Variants in MECOM observed in about 807,000 individuals in gnomAD.
The protein encoded by MECOM is MDS1 and EVI1 complex locus, also known as histone-lysine N-methyltransferase MECOM.
MECOM carries 13 observed loss-of-function variants against 116.3 expected under a neutral mutation model. The ratio of observed to expected loss-of-function variants is 0.11; its 90% CI spans 0.07 to 0.18. The LOEUF (loss-of-function observed/expected upper bound fraction) is 0.18, where lower values mean the gene tolerates loss of function less well. Among genes scored for constraint, MECOM ranks in the 10% least tolerant of loss-of-function variants. MECOM has a pLI of 1.00. For missense variants in MECOM, 1,299 were observed against 1,509.0 expected, an observed-to-expected ratio of 0.86 and a Z score of 2.31; for synonymous variants, 528 against 535.2, an observed-to-expected ratio of 0.99 and a Z score of 0.19.
chr3:169,561,180 A>G (rs146242112), intron 1 of MECOM, among the ~76,000 whole-genome samples: 2 of 152,198 alleles, frequency 1.3e-5, no homozygotes, highest in Admixed American at 1.3e-4. Context: ...GTAAGGGTAT[A>G]TGAATATTGG....
At chr3:169,518,087 G>A (rs1018818556) in intron 1 of MECOM, among the ~76,000 whole-genome samples, 4 of 152,194 alleles carry the variant, frequency 2.6e-5, no homozygotes, top group East Asian at 1.9e-4. Context: ...GTGATACCCC[G>A]TCTTTACTGA....
rs756925389 is a variant in MECOM at position 169,548,971 on chromosome 3, CTTT to C, written c.37+114362_37+114364del. 6.9e-3 allele frequency among the ~76,000 whole-genome samples: 825 copies of C among 119,058 alleles called. 7 individuals are homozygous for C. The highest frequency in any genetic ancestry group is 0.024 in the African/African-American group (745 of 30,710). 78.1% of individuals were successfully genotyped at this position (119,058 alleles called of 152,430 possible). A position where few individuals can be genotyped will look rare whatever the true frequency, so the allele number is the denominator to read the frequency against. On this transcript the variant is annotated intron_variant, in intron 1 of 16. Coordinates refer to ENST00000651503, the MANE Select transcript of MECOM (RefSeq NM_004991.4). Reference sequence around the variant, plus strand: ...ACACGTAAAACTGACATTTGTCTCTCTTTTTTTTTTTTTTTTTTTTGAGACGAA... The same window carrying C: ...ACACGTAAAACTGACATTTGTCTCTCTTTTTTTTTTTTTTTTTGAGACGAA...
intron 1 of MECOM, among the ~76,000 whole-genome samples, chr3:169,472,381 T>TA (rs575502358): frequency 5.0e-5 from 6 of 119,216 alleles, no homozygotes; most frequent in Admixed American, 9.9e-5. Context: ...ACCCCATCTC[T>TA]AAAAAAAAGG....
chr3:169,623,373 G>A (rs957726529), intron 1 of MECOM, among the ~76,000 whole-genome samples: 27 of 152,020 alleles, frequency 1.8e-4, no homozygotes, highest in African/African-American at 6.5e-4. Flanking sequence ...AAGTATTATC[G>A]AAGAATGATA....
At chr3:169,276,604 C>T (rs1759611066) in intron 2 of MECOM, among the ~76,000 whole-genome samples, 2 of 150,570 alleles carry the variant, frequency 1.3e-5, no homozygotes, top group African/African-American at 4.9e-5. Context: ...GAAGCTAAAG[C>T]CCCTAGAACC....
At chr3:169,376,729 A>G (rs1731101497) in intron 2 of MECOM, among the ~76,000 whole-genome samples, 1 of 152,214 alleles carries the variant, frequency 6.6e-6, no homozygotes, top group African/African-American at 2.4e-5. Context: ...GGAAGAATCA[A>G]TATCATGAAA....
At chr3:169,579,036 TTTAA>T (rs1490699340) in intron 1 of MECOM, among the ~76,000 whole-genome samples, 2 of 152,220 alleles carry the variant, frequency 1.3e-5, no homozygotes, top group African/African-American at 4.8e-5. Context: ...ATAACCATTA[TTTAA>T]TTAACAGATG....
rs369748515 is a variant in MECOM, at chr3:169,084,912, T to C, written c.3717A>G (p.Val1239=). 7.9e-5 allele frequency: 127 copies of C among 1,614,058 alleles called. No homozygotes were observed. The highest frequency in any genetic ancestry group is 6.0e-4 in the East Asian group (27 of 44,866). The part of the protein sequence containing the change: ...ESSAIQSISH[V] ...ACTCTGGTCAACCTTGATAACGTCA[T>C]ACGTGGCTTATGGACTGGATAGCAC... Residue 1239 remains valine (V), a synonymous_variant, in exon 17 of 17, where the codon GTA becomes GTG. Coordinates refer to ENST00000651503, the MANE Select transcript of MECOM (RefSeq NM_004991.4).
chr3:169,354,113 G>A (rs1726851526), intron 2 of MECOM, among the ~76,000 whole-genome samples: 1 of 151,778 alleles, frequency 6.6e-6, no homozygotes, highest in Admixed American at 6.6e-5. Flanking sequence ...TCCATTGAGA[G>A]TGGAATTAAT....
intron 1 of MECOM, among the ~76,000 whole-genome samples, chr3:169,595,000 T>C (rs1317568410): frequency 6.6e-6 from 1 of 152,032 alleles, no homozygotes; most frequent in African/African-American, 2.4e-5. Flanking sequence ...ATTTAAGTCC[T>C]ACAACCAGTT....
At chr3:169,300,369 A>G (rs1311049572) in intron 2 of MECOM, among the ~76,000 whole-genome samples, 1 of 152,250 alleles carries the variant, frequency 6.6e-6, no homozygotes, top group Non-Finnish European at 1.5e-5. Context: ...AGCCTCTCTT[A>G]TAAATCATTC....
rs574625021 is a variant in MECOM, at chr3:169,634,059, A to G, written c.37+29277T>C. Among the ~76,000 whole-genome samples, 3 of 152,298 alleles carry G rather than the reference A, an allele frequency of 2.0e-5. 1 individual carries two copies. In the South Asian group the frequency reaches 6.2e-4, roughly 32 times the overall value. ...GTGTGACAGAACAGGACTGCCAGCC[A>G]CAGTGCAGGGACAGCAGGAGCAAGA... On this transcript the variant is annotated intron_variant, in intron 1 of 16. Transcript: ENST00000651503.
chr3:169,406,901 A>G (rs534392660), intron 1 of MECOM, among the ~76,000 whole-genome samples: 1 of 149,442 alleles, frequency 6.7e-6, no homozygotes, highest in Admixed American at 6.7e-5. Flanking sequence ...GAGTGCAGTG[A>G]TGCAATCTCG....
chr3:169,454,373 T>C (rs1324291608), intron 1 of MECOM, among the ~76,000 whole-genome samples: 5 of 133,348 alleles, frequency 3.7e-5, no homozygotes, highest in Non-Finnish European at 6.2e-5. Context: ...GATGGTAATG[T>C]AGCAACTTTC....
intron 1 of MECOM, chr3:169,614,764 C>T (rs1769775937): frequency 6.6e-6 from 1 of 152,180 alleles, no homozygotes. Flanking sequence ...AAACTCCTGG[C>T]CTCCTCCTGC....
At chr3:169,561,610 C>G (rs1206072023) in intron 1 of MECOM, among the ~76,000 whole-genome samples, 1 of 152,032 alleles carries the variant, frequency 6.6e-6, no homozygotes, top group East Asian at 1.9e-4. Context: ...ACCAAATTCA[C>G]GATAATGACA....
At chr3:169,384,208 A>T (rs1459594910) in intron 1 of MECOM, among the ~76,000 whole-genome samples, 1 of 152,216 alleles carries the variant, frequency 6.6e-6, no homozygotes, top group Non-Finnish European at 1.5e-5. Flanking sequence ...TTAATCTAAC[A>T]TATAATTTTA....
intron 2 of MECOM, among the ~76,000 whole-genome samples, chr3:169,341,739 C>CAAA (rs578130947): frequency 8.2e-6 from 1 of 121,914 alleles, no homozygotes; most frequent in East Asian, 2.4e-4. Flanking sequence ...GACTCCCTCT[C>CAAA]AAAAAAAAAA....
intron 1 of MECOM, among the ~76,000 whole-genome samples, chr3:169,539,086 A>G (rs890296668): frequency 6.6e-6 from 1 of 151,952 alleles, no homozygotes; most frequent in Non-Finnish European, 1.5e-5. Flanking sequence ...ATTCTTCTAT[A>G]TACATATGAA....
Sources: gnomAD v4.1 joint callset for allele counts (sites outside exome capture counted in the v4.1 genomes callset) on GRCh38, gnomAD v4.1.1 for gene constraint, MANE v1.5 for transcripts, NCBI Gene and HGNC (gene_info 2026-07-23, HGNC 2026-07-21) for gene names.